The following SELP variants were observed in gnomAD, a reference collection of about 807,000 sequenced individuals.
SELP encodes selectin P.
A neutral mutation model predicts 104.1 loss-of-function variants in SELP; 92 were observed. The observed-to-expected ratio is 0.88, with a 90% CI of 0.75 to 1.05. The LOEUF is 1.05. Ranked by LOEUF, SELP falls within the 50% of genes least tolerant of loss-of-function variation. SELP has a pLI of 0.00. For missense variants in SELP, 1,022 were observed against 1,017.3 expected, an observed-to-expected ratio of 1.00 and a Z score of -0.06; for synonymous variants, 397 against 364.5, an observed-to-expected ratio of 1.09 and a Z score of -1.01.
intron 10 of SELP, among the ~76,000 whole-genome samples, chr1:169,599,798 C>T (rs896170600): frequency 6.6e-6 from 1 of 152,018 alleles, no homozygotes; most frequent in African/African-American, 2.4e-5. Flanking sequence ...TAGGGGGCAC[C>T]AGTTCACCAT....
chr1:169,621,219 G>C (rs1265252317), intron 1 of SELP, among the ~76,000 whole-genome samples: 3 of 149,318 alleles, frequency 2.0e-5, no homozygotes, highest in Non-Finnish European at 4.5e-5. Context: ...GGGTGCATGG[G>C]ATGGTGTGGA....
At position 169,594,875 on chromosome 1, in the gene SELP, C is replaced by T; in HGVS notation, c.2104G>A (p.Val702Met). 1 of 1,609,018 alleles carries T rather than the reference C, an allele frequency of 6.2e-7. No individual in the cohort carries two copies. Among genetic ancestry groups the T allele is most frequent in the South Asian group, 1.1e-5 (1 of 90,536 alleles). ...WTAVTPACRA[V>M]KCSELHVNKP... ...TTAACATGTAGTTCTGAGCATTTCA[C>T]AGCTGCAGAAAAGAAATAATGCAAG... Residue 702 changes from valine (V) to methionine (M), a missense_variant and splice_region_variant, in exon 13 of 17, where the codon GTG becomes ATG. Coordinates refer to ENST00000263686, the MANE Select transcript of SELP (RefSeq NM_003005.4).
chr1:169,610,786 A>G (rs1406483159), intron 7 of SELP, among the ~76,000 whole-genome samples: 1 of 79,982 alleles, frequency 1.3e-5, no homozygotes, highest in South Asian at 3.9e-4. Flanking sequence ...CTCAAAACAA[A>G]CAAACAAACA....
In SELP at chr1:169,612,286, A is replaced by G; in HGVS notation, c.892T>C (p.Leu298=). The G allele has an allele frequency of 6.2e-7, 1 of 1,614,178 alleles. No homozygotes were observed. The highest frequency in any genetic ancestry group is 8.5e-7 in the Non-Finnish European group (1 of 1,180,024). ...CATTGCACCACTTCCGGTCCAACTAATGCAAATCCCTCTTCACAACTGAAG... is the reference window on the plus strand; with the variant it reads ...CATTGCACCACTTCCGGTCCAACTAGTGCAAATCCCTCTTCACAACTGAAG... ...CSFSCEEGFA[L]VGPEVVQCTA... The change falls in exon 6 of 17, where the codon TTA becomes CTA. Residue 298 remains leucine (L), a synonymous_variant. Coordinates refer to ENST00000263686, the MANE Select transcript of SELP (RefSeq NM_003005.4).
intron 1 of SELP, among the ~76,000 whole-genome samples, chr1:169,623,971 T>C (rs1347938524): frequency 6.6e-6 from 1 of 152,192 alleles, no homozygotes; most frequent in Non-Finnish European, 1.5e-5. Flanking sequence ...ATAAAAGCCG[T>C]GGTCAGATTT....
chr1:169,625,991 G>A (rs1663352150), intron 1 of SELP, among the ~76,000 whole-genome samples: 2 of 152,192 alleles, frequency 1.3e-5, no homozygotes, highest in Admixed American at 1.3e-4. Context: ...CACTATGTTG[G>A]TCAGGAACGT....
At chr1:169,620,795 T>TTGTCTG (rs1553232392) in intron 1 of SELP, among the ~76,000 whole-genome samples, 2 of 110,830 alleles carry the variant, frequency 1.8e-5, no homozygotes, top group African/African-American at 7.4e-5. Flanking sequence ...CGGTGTGGGG[T>TTGTCTG]TGTGTGTGTG....
Position 169,609,678 on chromosome 1 carries a change from C to T in SELP, c.1159G>A (p.Glu387Lys), listed in dbSNP as rs754568380. 28 of 1,610,942 alleles carry T rather than the reference C, an allele frequency of 1.7e-5. No individual in the cohort carries two copies. The highest frequency in any genetic ancestry group is 2.4e-5 in the Non-Finnish European group (28 of 1,178,552). Reference sequence around the variant, plus strand: ...CCGTGGACAGGACTCTCCAGCGGCTCACACGAAATAGCTAAGTGGAAAAGG... The same window carrying T: ...CCGTGGACAGGACTCTCCAGCGGCTTACACGAAATAGCTAAGTGGAAAAGG... The part of the protein sequence containing the change: ...PLPTCEAISC[E>K]PLESPVHGSM... The change falls in exon 8 of 17, where the codon GAG becomes AAG. Residue 387 changes from glutamate (E) to lysine (K), a missense_variant. By Grantham distance (56) the Glu-to-Lys change is moderately conservative (BLOSUM62 1). Transcript: ENST00000263686.
rs578159055 is a variant in SELP, at chr1:169,596,975, A to G, written c.1891+16T>C. The G allele has an allele frequency of 6.2e-7, 1 of 1,600,558 alleles. No individual in the cohort carries two copies. The highest frequency in any genetic ancestry group is 1.1e-5 in the South Asian group (1 of 89,968). ...TTTCCAAAAGTAGAACTGTCTTAGC[A>G]AGTACATATTATTACCTTTGCAGGT... On this transcript the variant is annotated intron_variant, in intron 11 of 16. Coordinates refer to ENST00000263686, the MANE Select transcript of SELP (RefSeq NM_003005.4).
intron 10 of SELP, among the ~76,000 whole-genome samples, chr1:169,599,863 A>G (rs552468701): frequency 6.6e-6 from 1 of 152,250 alleles, no homozygotes; most frequent in South Asian, 2.1e-4. Context: ...TGAGGTTGGG[A>G]CTTGGAACCA....
intron 15 of SELP, 130 bp downstream of exon 15, chr1:169,591,296 G>T: frequency 1.8e-6 from 1 of 556,910 alleles, no homozygotes; most frequent in South Asian, 2.3e-5. Context: ...CTTCAGAGTA[G>T]AAAAGAAGAC....
intron 2 of SELP, among the ~76,000 whole-genome samples, chr1:169,618,173 G>A (rs748436831): frequency 1.3e-5 from 2 of 152,190 alleles, no homozygotes; most frequent in African/African-American, 4.8e-5. Context: ...TGAGCCTAGA[G>A]TTTAGCACTT....
chr1:169,618,422 G>A (rs1036512736), intron 2 of SELP, among the ~76,000 whole-genome samples: 7 of 152,144 alleles, frequency 4.6e-5, no homozygotes, highest in Admixed American at 1.3e-4. Flanking sequence ...AAGAATGTGC[G>A]TTTCAAAAGT....
chr1:169,595,294 A>C (rs1661548355), intron 12 of SELP, among the ~76,000 whole-genome samples: 1 of 152,226 alleles, frequency 6.6e-6, no homozygotes, highest in South Asian at 2.1e-4. Flanking sequence ...TGGAAGTTTG[A>C]AAGAAGTAGA....
At chr1:169,615,492 CT>C (rs1251305873) in intron 3 of SELP, among the ~76,000 whole-genome samples, 4 of 152,074 alleles carry the variant, frequency 2.6e-5, no homozygotes, top group African/African-American at 9.7e-5. Flanking sequence ...GGAAGACTGT[CT>C]TGCAGAAATG....
In SELP at chr1:169,613,030, T is replaced by C. The variant is rs768767040; in HGVS notation, c.674A>G (p.Gln225Arg). Reference protein sequence around the residue: ...HPLGNFSFNSQCSFHCTDGYQ... With the variant: ...HPLGNFSFNSRCSFHCTDGYQ... ...CCCGTCAGTGCAGTGGAAGCTGCAC[T>C]GCGAGTTAAAAGAGAAGTTTCCCAG... The change falls in exon 5 of 17, where the codon CAG becomes CGG. Residue 225 changes from glutamine (Q) to arginine (R), a missense_variant. Gln to Arg is a conservative substitution (Grantham distance 43). Coordinates refer to ENST00000263686, the MANE Select transcript of SELP (RefSeq NM_003005.4). The C allele has an allele frequency of 5.0e-6, 8 of 1,613,860 alleles. No individual in the cohort carries two copies. Among genetic ancestry groups the C allele is most frequent in the African/African-American group, 4.0e-5 (3 of 74,940 alleles).
At chr1:169,602,986 C>A in intron 10 of SELP, 40 bp downstream of exon 10, 1 of 1,525,796 alleles carries the variant, frequency 6.6e-7, no homozygotes, top group South Asian at 1.2e-5. Flanking sequence ...TCTCTGATGT[C>A]ATCTTTAAAG....
chr1:169,593,615 G>T lies in SELP; in HGVS notation c.2397C>A (p.Phe799Leu), dbSNP rs778288201. 6.2e-7 allele frequency: 1 copy of T among 1,612,406 alleles called. No individual in the cohort carries two copies. The highest frequency in any genetic ancestry group is 8.5e-7 in the Non-Finnish European group (1 of 1,179,062). ...GTLLALLRKR[F>L]RQKDDGKCPL... ...CTCTTTCCTATTTACCTTTTTGTCT[G>T]AAACGCTTTCTTAGCAAAGCCAGGA... is the stretch of plus-strand genomic sequence containing the variant. The change falls in exon 14 of 17, where the codon TTC becomes TTA. Residue 799 changes from phenylalanine (F) to leucine (L), a missense_variant. By Grantham distance (22) the Phe-to-Leu change is conservative. Transcript: ENST00000263686.
intron 2 of SELP, 52 bp from the exon 3 acceptor site, chr1:169,617,466 G>A (rs892084947): frequency 1.3e-5 from 20 of 1,563,594 alleles, no homozygotes; most frequent in Middle Eastern, 1.7e-4. Context: ...CAAAAAAGAG[G>A]CCGTGATCCC....
Sources: allele counts gnomAD v4.1 joint callset (sites outside exome capture counted in the v4.1 genomes callset), GRCh38; gene constraint gnomAD v4.1.1; transcripts MANE v1.5; gene names NCBI Gene and HGNC (gene_info 2026-07-23, HGNC 2026-07-21).